Variants in GALNTL6 observed in about 807,000 individuals in gnomAD.
GALNTL6 encodes polypeptide N-acetylgalactosaminyltransferase like 6.
A neutral mutation model predicts 73.7 loss-of-function variants in GALNTL6; 46 were observed. The ratio of observed to expected loss-of-function variants is 0.62; its 90% CI spans 0.49 to 0.80. The LOEUF is 0.80. Among genes scored for constraint, GALNTL6 ranks in the 30% least tolerant of loss-of-function variants. GALNTL6 has a pLI of 0.00. For synonymous variants in GALNTL6, 259 were observed against 263.7 expected (o/e 0.98, Z 0.17); for missense variants, 604 against 755.0 (o/e 0.80, Z 2.34).
intron 5 of GALNTL6, among the ~76,000 whole-genome samples, chr4:172,669,447 C>T (rs1279522516): frequency 6.6e-6 from 1 of 152,102 alleles, no homozygotes; most frequent in Non-Finnish European, 1.5e-5. Context: ...CCAATGACCC[C>T]AACAGTAGAT....
Position 173,021,604 on chromosome 4 carries a change from C to A in GALNTL6, c.1617C>A (p.Asn539Lys). 2 of 1,614,068 alleles carry A rather than the reference C, an allele frequency of 1.2e-6. No individual in the cohort carries two copies. The highest frequency in any genetic ancestry group is 2.2e-5 in the East Asian group (1 of 44,886). The change falls in exon 12 of 13, where the codon AAC becomes AAA. Residue 539 changes from asparagine to lysine, a missense_variant. Physicochemically the swap from Asn to Lys is moderately conservative, Grantham distance 94. Transcript: ENST00000506823. ...TLYDCHGMKG[N>K]QLWGYRKDRT... Reference sequence around the variant, plus strand: ...ATGACTGTCATGGCATGAAGGGGAACCAGCTCTGGGGATACCGGAAGGTAA... The same window carrying A: ...ATGACTGTCATGGCATGAAGGGGAAACAGCTCTGGGGATACCGGAAGGTAA...
At chr4:172,766,158 C>G (rs905127027) in intron 5 of GALNTL6, among the ~76,000 whole-genome samples, 1 of 152,166 alleles carries the variant, frequency 6.6e-6, no homozygotes, top group Non-Finnish European at 1.5e-5. Flanking sequence ...TTCTACACCT[C>G]TATTCCATGT....
intron 5 of GALNTL6, among the ~76,000 whole-genome samples, chr4:172,717,776 A>G (rs189992161): frequency 1.5e-3 from 227 of 152,272 alleles, no homozygotes; most frequent in African/African-American, 5.3e-3. Flanking sequence ...AAATTAATAC[A>G]TTTTCCAAAA....
chr4:172,745,955 T>C (rs1579428359), intron 5 of GALNTL6, among the ~76,000 whole-genome samples: 1 of 152,142 alleles, frequency 6.6e-6, no homozygotes, highest in Middle Eastern at 3.4e-3. Flanking sequence ...ACATTACTGG[T>C]TTTAAATGTT....
At chr4:172,778,023 AAGCCTC>A (rs1259978721) in intron 5 of GALNTL6, among the ~76,000 whole-genome samples, 1 of 152,244 alleles carries the variant, frequency 6.6e-6, no homozygotes, top group Non-Finnish European at 1.5e-5. Flanking sequence ...ACTAAGCATA[AAGCCTC>A]TTCGTAATTA....
chr4:172,170,620 C>G (rs1396569540), intron 2 of GALNTL6, among the ~76,000 whole-genome samples: 1 of 145,696 alleles, frequency 6.9e-6, no homozygotes, highest in Non-Finnish European at 1.5e-5. Flanking sequence ...TCAAGTTATT[C>G]TGGTGCCTCA....
At chr4:172,543,489 G>C (rs1380545115) in intron 5 of GALNTL6, among the ~76,000 whole-genome samples, 2 of 152,222 alleles carry the variant, frequency 1.3e-5, no homozygotes, top group Non-Finnish European at 2.9e-5. Context: ...TAAAGAGCTG[G>C]CTCCCAGGCC....
chr4:172,420,833 CAAA>C (rs796213297), intron 5 of GALNTL6, among the ~76,000 whole-genome samples: 5 of 151,150 alleles, frequency 3.3e-5, no homozygotes, highest in African/African-American at 1.2e-4. Flanking sequence ...ACGATGCAGC[CAAA>C]AAAAAGAATG....
At chr4:171,955,411 T>C (rs578496) in intron 2 of GALNTL6, among the ~76,000 whole-genome samples, 71,968 of 151,406 alleles carry the variant, frequency 0.48, 17,587 homozygotes, top group Middle Eastern at 0.6. Flanking sequence ...CACACACACA[T>C]ACAGTTGACC....
intron 5 of GALNTL6, among the ~76,000 whole-genome samples, chr4:172,464,708 C>A (rs528792877): frequency 1.4e-5 from 2 of 147,746 alleles, no homozygotes; most frequent in East Asian, 3.9e-4. Flanking sequence ...GACTCTGTCT[C>A]AAAAATAATA....
At chr4:172,405,238 C>T (rs1487340206) in intron 5 of GALNTL6, among the ~76,000 whole-genome samples, 1 of 151,278 alleles carries the variant, frequency 6.6e-6, no homozygotes, top group Non-Finnish European at 1.5e-5. Flanking sequence ...ACTGAGTTCT[C>T]ACATTTCCTC....
intron 2 of GALNTL6, among the ~76,000 whole-genome samples, chr4:171,855,047 C>T (rs747644219): frequency 1.1e-4 from 17 of 152,038 alleles, no homozygotes; most frequent in Non-Finnish European, 1.8e-4. Context: ...ACATGCACCC[C>T]CTTTCCCTTA....
intron 2 of GALNTL6, among the ~76,000 whole-genome samples, chr4:172,131,177 A>G (rs1733481472): frequency 6.6e-6 from 1 of 151,846 alleles, no homozygotes; most frequent in African/African-American, 2.4e-5. Flanking sequence ...CATTTAAAAC[A>G]AACAAGAAAT....
At chr4:171,893,586 T>C (rs1192603350) in intron 2 of GALNTL6, among the ~76,000 whole-genome samples, 1 of 152,176 alleles carries the variant, frequency 6.6e-6, no homozygotes, top group East Asian at 1.9e-4. Context: ...TGAATCAACA[T>C]TTTTATTTAT....
rs974082182 is a variant in GALNTL6, at chr4:172,622,262, A to G, written c.554-187099A>G. Among the ~76,000 whole-genome samples the G allele has an allele frequency of 1.8e-4, 28 of 152,318 alleles. No homozygotes were observed. The South Asian group carries it at 3.7e-3, about 20-fold the overall frequency. ...ATCATAAATAAAATAATTCAAGAGA[A>G]TTTGTCACAACTAAAGTTTCCAACT... On this transcript the variant is annotated intron_variant, in intron 5 of 12. Coordinates refer to ENST00000506823, the MANE Select transcript of GALNTL6 (RefSeq NM_001034845.3).
intron 5 of GALNTL6, among the ~76,000 whole-genome samples, chr4:172,377,437 C>T (rs1437074345): frequency 1.3e-5 from 2 of 152,214 alleles, no homozygotes; most frequent in Admixed American, 1.3e-4. Context: ...AAAAGTTCTC[C>T]AAGTCCCCAC....
intron 12 of GALNTL6, among the ~76,000 whole-genome samples, chr4:173,037,585 G>C (rs994103017): frequency 2.0e-5 from 3 of 152,152 alleles, no homozygotes; most frequent in African/African-American, 7.2e-5. Flanking sequence ...AAAATAAAAT[G>C]TTCAGAAAGT....
At chr4:172,558,813 C>T (rs967563547) in intron 5 of GALNTL6, among the ~76,000 whole-genome samples, 6 of 151,954 alleles carry the variant, frequency 3.9e-5, no homozygotes, top group Admixed American at 2.6e-4. Flanking sequence ...TCTCATATGT[C>T]GGTTGCCGAA....
At chr4:172,538,482 CA>C (rs948160749) in intron 5 of GALNTL6, among the ~76,000 whole-genome samples, 1 of 151,394 alleles carries the variant, frequency 6.6e-6, no homozygotes, top group Non-Finnish European at 1.5e-5. Context: ...CAAAACAAAA[CA>C]AAAAAATAGA....
Sources: gnomAD v4.1 joint callset for allele counts (sites outside exome capture counted in the v4.1 genomes callset) on GRCh38, gnomAD v4.1.1 for gene constraint, MANE v1.5 for transcripts, NCBI Gene and HGNC (gene_info 2026-07-23, HGNC 2026-07-21) for gene names.